Variants in VAV3 observed in about 807,000 individuals in gnomAD.
The protein encoded by VAV3 is vav guanine nucleotide exchange factor 3.
A neutral mutation model predicts 131.2 loss-of-function variants in VAV3; 94 were observed. The ratio of observed to expected loss-of-function variants is 0.72; its 90% confidence interval spans 0.61 to 0.85. The LOEUF (loss-of-function observed/expected upper bound fraction) is 0.85. Among genes scored for constraint, VAV3 ranks in the 40% least tolerant of loss-of-function variants. The pLI is 0.00. For synonymous variants in VAV3, 349 were observed against 342.0 expected (o/e 1.02, Z -0.22); for missense variants, 939 against 1,002.7 (o/e 0.94, Z 0.86).
At chr1:107,930,886 G>T (rs1673401137) in intron 1 of VAV3, among the ~76,000 whole-genome samples, 1 of 152,124 alleles carries the variant, frequency 6.6e-6, no homozygotes, top group South Asian at 2.1e-4. Context: ...ATATTAATCT[G>T]TTCATGCCTT....
chr1:107,866,195 A>G (rs1455395103), intron 2 of VAV3, among the ~76,000 whole-genome samples: 2 of 152,076 alleles, frequency 1.3e-5, no homozygotes, highest in African/African-American at 2.4e-5. Context: ...TTCCTGTTCT[A>G]AAGGCTTTTA....
chr1:107,675,448 T>C (rs1207694380), intron 19 of VAV3, among the ~76,000 whole-genome samples: 2 of 152,178 alleles, frequency 1.3e-5, no homozygotes, highest in East Asian at 3.9e-4. Flanking sequence ...TCTGTGCCAC[T>C]GTAGAACCCT....
intron 1 of VAV3, among the ~76,000 whole-genome samples, chr1:107,887,300 T>G (rs993863268): frequency 4.6e-5 from 7 of 152,240 alleles, no homozygotes; most frequent in Non-Finnish European, 8.8e-5. Flanking sequence ...TTGAATTTAG[T>G]ATTTTCCTTT....
intron 20 of VAV3, among the ~76,000 whole-genome samples, chr1:107,620,653 T>G (rs558932502): frequency 6.6e-6 from 1 of 152,184 alleles, no homozygotes; most frequent in Non-Finnish European, 1.5e-5. Context: ...GCTGACTGTT[T>G]CTATAGGAAA....
At position 107,731,798 on chromosome 1, in the gene VAV3, A is replaced by G. The variant is rs192494316; in HGVS notation, c.1502+17170T>C. Among the ~76,000 whole-genome samples the G allele has an allele frequency of 3.1e-4, 47 of 152,302 alleles. No homozygotes were observed. In the Middle Eastern group the frequency reaches 0.01, roughly 33 times the overall value. On this transcript the variant is annotated intron_variant, in intron 15 of 26. Transcript: ENST00000370056. Reference sequence around the variant, plus strand: ...GAATTGTTAAAATGGAGGAGCTTTAATCTCCTCTTCAGAGAATGTATGAAT... The same window carrying G: ...GAATTGTTAAAATGGAGGAGCTTTAGTCTCCTCTTCAGAGAATGTATGAAT...
At chr1:107,850,718 A>G (rs1313489277) in intron 2 of VAV3, among the ~76,000 whole-genome samples, 1 of 152,058 alleles carries the variant, frequency 6.6e-6, no homozygotes, top group Non-Finnish European at 1.5e-5. Context: ...CTTAAAGTAT[A>G]ATTTTTTTAA....
chr1:107,727,853 A>G (rs1238496589), intron 15 of VAV3, among the ~76,000 whole-genome samples: 1 of 152,206 alleles, frequency 6.6e-6, no homozygotes, highest in African/African-American at 2.4e-5. Flanking sequence ...ACTCACCATC[A>G]AACCCCAAGA....
rs1301227937 is a variant in VAV3 at position 107,669,379 on chromosome 1, T to C, written c.1777+14109A>G. 6 of 1,289,784 alleles carry C rather than the reference T, an allele frequency of 4.7e-6. No homozygotes were observed. The South Asian group carries it at 6.2e-5, about 13-fold the overall frequency. 79.9% of individuals were successfully genotyped at this position (1,289,784 alleles called of 1,614,324 possible). A position where few individuals can be genotyped will look rare whatever the true frequency, so the allele number is the denominator to read the frequency against. On this transcript the variant is annotated intron_variant, in intron 19 of 26. Transcript: ENST00000370056. ...AACCTCAAGGCTGCATTTTCACCCATGTCCTCAGAATTTCTTGTTCTTCTT... is the reference window on the plus strand; with the variant it reads ...AACCTCAAGGCTGCATTTTCACCCACGTCCTCAGAATTTCTTGTTCTTCTT...
chr1:107,964,657 C>A lies in VAV3; in HGVS notation c.204+9G>T, dbSNP rs1427971337. ...GCTGGAGGCGGGGCGCCCGTGCCGG[C>A]CTCCTCACCTGGGACATCTGCGGCC... On this transcript the variant is annotated intron_variant, in intron 1 of 26. Coordinates refer to ENST00000370056, the MANE Select transcript of VAV3 (RefSeq NM_006113.5). 1 of 1,609,270 alleles carries A rather than the reference C, an allele frequency of 6.2e-7. No homozygotes were observed. Among genetic ancestry groups the A allele is most frequent in the Admixed American group, 1.7e-5 (1 of 59,522 alleles).
intron 19 of VAV3, among the ~76,000 whole-genome samples, chr1:107,660,477 C>T (rs973810231): frequency 7.2e-5 from 11 of 152,154 alleles, no homozygotes; most frequent in Admixed American, 1.3e-4. Context: ...GAAAGAAAGA[C>T]GGAAATACGC....
chr1:107,856,818 C>CT (rs150856088), intron 2 of VAV3, among the ~76,000 whole-genome samples: 2,352 of 152,264 alleles, frequency 0.015, 46 homozygotes, highest in African/African-American at 0.044. Flanking sequence ...TGGAGGATCA[C>CT]TTGAGCACAG....
chr1:107,574,531 G>A (rs1354520429), intron 25 of VAV3, among the ~76,000 whole-genome samples: 9 of 152,136 alleles, frequency 5.9e-5, no homozygotes, highest in Non-Finnish European at 1.0e-4. Flanking sequence ...AAGTATCTAA[G>A]GAGATAGATT....
chr1:107,876,005 G>A (rs1347539925), intron 1 of VAV3, among the ~76,000 whole-genome samples: 1 of 152,166 alleles, frequency 6.6e-6, no homozygotes, highest in Admixed American at 6.5e-5. Context: ...CTGTGGAATA[G>A]AGCAAAGAAG....
At chr1:107,875,223 A>G (rs1211988199) in intron 1 of VAV3, among the ~76,000 whole-genome samples, 1 of 152,174 alleles carries the variant, frequency 6.6e-6, no homozygotes, top group Non-Finnish European at 1.5e-5. Flanking sequence ...GGCAATTTCT[A>G]CCCTCATGAA....
chr1:107,865,299 T>C (rs1416109971), intron 2 of VAV3, among the ~76,000 whole-genome samples: 1 of 152,130 alleles, frequency 6.6e-6, no homozygotes, highest in Non-Finnish European at 1.5e-5. Flanking sequence ...CAGAGACAAG[T>C]AGCAAAGCCA....
At chr1:107,751,297 T>C in intron 12 of VAV3, 95 bp from the exon 13 acceptor site, 1 of 977,242 alleles carries the variant, frequency 1.0e-6, no homozygotes, top group Non-Finnish European at 1.5e-6. Flanking sequence ...AACTACCTTA[T>C]TACATTAAAA....
chr1:107,949,507 A>C (rs1303125126), intron 1 of VAV3, among the ~76,000 whole-genome samples: 3 of 152,080 alleles, frequency 2.0e-5, no homozygotes, highest in Non-Finnish European at 4.4e-5. Flanking sequence ...GATAAGCTCT[A>C]TGTTGCCAAG....
chr1:107,642,834 A>T (rs986424650), intron 19 of VAV3, 79 bp from the exon 20 acceptor site: 51 of 1,577,338 alleles, frequency 3.2e-5, no homozygotes, highest in Non-Finnish European at 4.4e-5. Context: ...AAAAAATGTC[A>T]TTATTAACAT....
At chr1:107,698,684 A>T (rs1659894230) in intron 17 of VAV3, among the ~76,000 whole-genome samples, 1 of 152,176 alleles carries the variant, frequency 6.6e-6, no homozygotes, top group Admixed American at 6.5e-5. Flanking sequence ...CCATTCTCAC[A>T]CTGCCAGGAA....
Sources: gnomAD v4.1 joint callset for allele counts (sites outside exome capture counted in the v4.1 genomes callset) on GRCh38, gnomAD v4.1.1 for gene constraint, MANE v1.5 for transcripts, NCBI Gene and HGNC (gene_info 2026-07-23, HGNC 2026-07-21) for gene names.